Variants in PHTF1 observed in about 807,000 individuals in gnomAD.
The protein encoded by PHTF1 is putative homeodomain transcription factor 1.
In PHTF1, 88 loss-of-function variants were observed where a neutral mutation model predicts 102.4. The observed-to-expected ratio is 0.86, with a 90% CI of 0.72 to 1.03. The LOEUF is 1.03. Among genes scored for constraint, PHTF1 ranks in the 50% least tolerant of loss-of-function variants. PHTF1 has a pLI of 0.00. For synonymous variants in PHTF1, 289 were observed against 305.2 expected, an observed-to-expected ratio of 0.95 and a Z score of 0.55; for missense variants, 814 against 909.5, an observed-to-expected ratio of 0.89 and a Z score of 1.35.
chr1:113,749,955 T>TAGTG (rs1657778347), intron 3 of PHTF1, among the ~76,000 whole-genome samples: 1 of 152,166 alleles, frequency 6.6e-6, no homozygotes, highest in East Asian at 1.9e-4. Context: ...CAGGAGAGAT[T>TAGTG]AGTGCATGTA....
At chr1:113,735,365 CAAAAAAAAAAAAAAA>C (rs749964684) in intron 5 of PHTF1, among the ~76,000 whole-genome samples, 3 of 28,446 alleles carry the variant, frequency 1.1e-4, no homozygotes, top group Admixed American at 1.5e-3. Context: ...GACTCTGTCT[CAAAAAAAAAAAAAAA>C]AAAAAAAAAA....
chr1:113,703,804 G>A, intron 15 of PHTF1: 1 of 374,406 alleles, frequency 2.7e-6, no homozygotes, highest in South Asian at 4.7e-5. Flanking sequence ...AAGGAATAAT[G>A]TAGTCAGAAA....
chr1:113,754,521 T>C (rs1163403612), intron 3 of PHTF1, among the ~76,000 whole-genome samples: 2 of 152,182 alleles, frequency 1.3e-5, no homozygotes, highest in African/African-American at 4.8e-5. Context: ...AAATACGTAA[T>C]GGATGCTTTC....
At chr1:113,706,521 A>G (rs902804619) in intron 12 of PHTF1, 73 bp downstream of exon 12, 2 of 1,220,316 alleles carry the variant, frequency 1.6e-6, no homozygotes, top group Non-Finnish European at 2.3e-6. Flanking sequence ...TTAATCACTA[A>G]GAGATTCTTA....
rs754839422 is a variant in PHTF1 at position 113,706,129 on chromosome 1, T to C, written c.1432A>G (p.Met478Val). The C allele has an allele frequency of 5.0e-6, 8 of 1,613,788 alleles. No homozygotes were observed. In the South Asian group the frequency reaches 8.8e-5, roughly 18 times the overall value. ...NAYQQGVGYQ[M>V]LGNVVTIGLA... ...CCAATAGTGACAACATTTCCCAGCATCTGATAACCTACTCCTTGCTGATAG... is the reference window on the plus strand; with the variant it reads ...CCAATAGTGACAACATTTCCCAGCACCTGATAACCTACTCCTTGCTGATAG... Residue 478 changes from methionine to valine, a missense_variant, in exon 13 of 19, where the codon ATG (methionine) becomes GTG (valine). Transcript: ENST00000369604.
intron 3 of PHTF1, among the ~76,000 whole-genome samples, chr1:113,739,493 G>A (rs554233371): frequency 4.6e-5 from 7 of 152,158 alleles, no homozygotes; most frequent in South Asian, 2.1e-4. Flanking sequence ...TATTTATGGC[G>A]TAGAATGTGA....
rs150320233 is a variant in PHTF1, at chr1:113,726,441, T to C, written c.465A>G (p.Gly155=). The change falls in exon 6 of 19, where the codon GGA becomes GGG. Residue 155 remains glycine, a synonymous_variant. Coordinates refer to ENST00000369604, the MANE Select transcript of PHTF1 (RefSeq NM_001323043.2). Reference sequence around the variant, plus strand: ...ACCTTCTTCTTCGATTTCCATTGTTTCCTGATGGTCTTGTTATCTGAGTAG... The same window carrying C: ...ACCTTCTTCTTCGATTTCCATTGTTCCCTGATGGTCTTGTTATCTGAGTAG... ...IVSTQITRPS[G]NNGNRRRRKL... The C allele has an allele frequency of 1.2e-6, 2 of 1,608,850 alleles. No homozygotes were observed.
chr1:113,756,197 T>C (rs1008242313), intron 3 of PHTF1, among the ~76,000 whole-genome samples: 1 of 152,108 alleles, frequency 6.6e-6, no homozygotes. Context: ...CCATACTTAC[T>C]ATCAGTGATG....
chr1:113,753,109 A>G (rs1352010559), intron 3 of PHTF1, among the ~76,000 whole-genome samples: 1 of 152,368 alleles, frequency 6.6e-6, no homozygotes, highest in East Asian at 1.9e-4. Flanking sequence ...ATGCATTCCC[A>G]GGATAACTCC....
At chr1:113,730,476 T>A (rs78790898) in intron 5 of PHTF1, among the ~76,000 whole-genome samples, 3 of 152,196 alleles carry the variant, frequency 2.0e-5, no homozygotes, top group Non-Finnish European at 2.9e-5. Context: ...AAATGTTGAC[T>A]GATTGGGTGA....
intron 7 of PHTF1, among the ~76,000 whole-genome samples, chr1:113,719,715 C>T (rs181241208): frequency 1.3e-5 from 2 of 152,322 alleles, no homozygotes. Flanking sequence ...CTGTTCCAAC[C>T]TCTGCCTGTT....
At chr1:113,704,871 T>C in intron 13 of PHTF1, 74 bp from the exon 14 acceptor site, 1 of 982,980 alleles carries the variant, frequency 1.0e-6, no homozygotes. Context: ...GCCAACGATA[T>C]TCCCAGAATA....
At chr1:113,758,388 A>C (rs1227098279) in intron 2 of PHTF1, among the ~76,000 whole-genome samples, 1 of 152,166 alleles carries the variant, frequency 6.6e-6, no homozygotes, top group African/African-American at 2.4e-5. Context: ...GTTTTTAAGC[A>C]GTTTGATCAG....
intron 4 of PHTF1, among the ~76,000 whole-genome samples, 156 bp downstream of exon 4, chr1:113,738,574 T>C (rs1655875994): frequency 6.6e-6 from 1 of 152,204 alleles, no homozygotes; most frequent in South Asian, 2.1e-4. Context: ...AGTCACACAG[T>C]ACTAAGAGGT....
chr1:113,697,712 T>C lies in PHTF1; in HGVS notation c.2282A>G (p.Lys761Arg), dbSNP rs1452519172. The stretch of plus-strand genomic sequence containing the variant: ...TCCAGGCATTTACTCAGCTTATGAT[T>C]TAATTTTCCACAGCTAAGAGAACAA... Reference protein sequence around the residue: ...LGFNIRLWKIKS With the variant: ...LGFNIRLWKIRS Residue 761 changes from lysine (K) to arginine (R), a missense_variant, in exon 19 of 19, where the codon AAA (lysine) becomes AGA (arginine). Transcript: ENST00000369604. 6.2e-7 allele frequency: 1 copy of C among 1,606,824 alleles called. No individual in the cohort carries two copies. The highest frequency in any genetic ancestry group is 1.7e-5 in the Admixed American group (1 of 59,998).
intron 7 of PHTF1, among the ~76,000 whole-genome samples, chr1:113,718,566 C>A (rs1427681406): frequency 6.6e-6 from 1 of 152,230 alleles, no homozygotes; most frequent in Admixed American, 6.5e-5. Context: ...GAGTGCCCTG[C>A]CCCTGCAGCA....
chr1:113,711,090 C>T (rs1464742947), intron 10 of PHTF1, among the ~76,000 whole-genome samples: 1 of 152,012 alleles, frequency 6.6e-6, no homozygotes, highest in African/African-American at 2.4e-5. Flanking sequence ...CCAAGATGAC[C>T]CACTCAATTG....
In PHTF1 at chr1:113,699,475, C is replaced by G. The variant is rs1418564446; in HGVS notation, c.2142+229G>C. On this transcript the variant is annotated intron_variant, in intron 17 of 18. Transcript: ENST00000369604. ...TCATGTCCTTGACCAGATGGCCCAACTTGGTGATGGGGAGCCACTCTTTGT... is the reference window on the plus strand; with the variant it reads ...TCATGTCCTTGACCAGATGGCCCAAGTTGGTGATGGGGAGCCACTCTTTGT... The G allele has an allele frequency of 9.3e-6, 6 of 643,484 alleles. No homozygotes were observed. The Admixed American group carries it at 1.3e-4, about 13-fold the overall frequency. 39.9% of individuals were successfully genotyped at this position (643,484 alleles called of 1,614,324 possible). A position where few individuals can be genotyped will look rare whatever the true frequency, so the allele number is the denominator to read the frequency against.
chr1:113,701,532 AC>A (rs1649438259), intron 15 of PHTF1, among the ~76,000 whole-genome samples: 1 of 152,144 alleles, frequency 6.6e-6, no homozygotes, highest in African/African-American at 2.4e-5. Context: ...TGAAAAACAT[AC>A]AGATAATGCT....
Sources: gnomAD v4.1 joint callset for allele counts (sites outside exome capture counted in the v4.1 genomes callset) on GRCh38, gnomAD v4.1.1 for gene constraint, MANE v1.5 for transcripts, NCBI Gene and HGNC (gene_info 2026-07-23, HGNC 2026-07-21) for gene names.